KIF26B: variants seen among roughly 807,000 people sequenced by gnomAD.
The protein encoded by KIF26B is kinesin family member 26B.
KIF26B carries 63 observed loss-of-function variants against 151.2 expected under a neutral mutation model. That is an observed-to-expected ratio of 0.42 (90% confidence interval 0.34 to 0.51). The LOEUF is 0.51. KIF26B is among the 20% of genes least tolerant of loss of function. KIF26B has a pLI of 0.07. For missense variants in KIF26B, 2,813 were observed against 2,913.6 expected (o/e 0.97, Z 0.79); for synonymous variants, 1,357 against 1,262.1 (o/e 1.08, Z -1.59).
At position 245,702,332 on chromosome 1, in the gene KIF26B, A is replaced by AG; in HGVS notation, c.6179-124dup. On this transcript the variant is annotated intron_variant, in intron 14 of 14. Coordinates refer to ENST00000407071, the MANE Select transcript of KIF26B (RefSeq NM_018012.4). The surrounding 1 kb of genome is among the most constrained non-coding windows in gnomAD (Gnocchi z 4.1). Reference sequence around the variant, plus strand: ...CAGGAGGGAACTCTGCAGTGGCCTAAGGCAAGCGAACTAGACCTTTAGACC... The same window carrying AG: ...CAGGAGGGAACTCTGCAGTGGCCTAAGGGCAAGCGAACTAGACCTTTAGACC... 1.0e-6 allele frequency: 1 copy of AG among 989,728 alleles called. No individual in the cohort carries two copies. The highest frequency in any genetic ancestry group is 1.6e-5 in the South Asian group (1 of 63,886). 61.3% of individuals were successfully genotyped at this position (989,728 alleles called of 1,614,324 possible).
intron 4 of KIF26B, among the ~76,000 whole-genome samples, chr1:245,481,650 C>T (rs180798736): frequency 2.6e-5 from 4 of 151,974 alleles, no homozygotes; most frequent in South Asian, 2.1e-4. Flanking sequence ...CCTGTCAACT[C>T]GCCATAAAGA....
rs112979618 is a variant in KIF26B at position 245,193,909 on chromosome 1, C to T, written c.465+37226C>T. ...AAGATTCAGAGCAGAGACAGGGCTGCGTCCATTGATCGTGTTAGGACCTGG... is the reference window on the plus strand; with the variant it reads ...AAGATTCAGAGCAGAGACAGGGCTGTGTCCATTGATCGTGTTAGGACCTGG... On this transcript the variant is annotated intron_variant, in intron 2 of 14. Coordinates refer to ENST00000407071, the MANE Select transcript of KIF26B (RefSeq NM_018012.4). Among the ~76,000 whole-genome samples the T allele has an allele frequency of 2.2e-3, 332 of 152,318 alleles. 1 individual carries two copies. The highest frequency in any genetic ancestry group is 7.6e-3 in the African/African-American group (317 of 41,572).
chr1:245,416,261 C>T (rs1263349051), intron 3 of KIF26B, among the ~76,000 whole-genome samples: 1 of 93,140 alleles, frequency 1.1e-5, no homozygotes, highest in Non-Finnish European at 2.0e-5. Context: ...GCCTGGGCAA[C>T]AAGAGCGAAA....
chr1:245,161,232 G>A (rs1259198999), intron 2 of KIF26B, among the ~76,000 whole-genome samples: 1 of 152,200 alleles, frequency 6.6e-6, no homozygotes, highest in Non-Finnish European at 1.5e-5. Context: ...ACATTCCCAG[G>A]AGAGACATGT....
At chr1:245,479,158 G>A (rs959628422) in intron 4 of KIF26B, among the ~76,000 whole-genome samples, 2 of 151,724 alleles carry the variant, frequency 1.3e-5, no homozygotes, top group African/African-American at 2.4e-5. Context: ...GGGAATCATT[G>A]GCATCTAGAT....
intron 3 of KIF26B, among the ~76,000 whole-genome samples, chr1:245,388,236 G>A (rs545116300): frequency 5.3e-5 from 8 of 152,136 alleles, no homozygotes; most frequent in African/African-American, 1.2e-4. Flanking sequence ...TTTAAAAAAC[G>A]TTCTAAGGAG....
intron 4 of KIF26B, among the ~76,000 whole-genome samples, chr1:245,514,213 C>G (rs1315470528): frequency 1.3e-5 from 2 of 152,258 alleles, no homozygotes; most frequent in Middle Eastern, 6.8e-3. Flanking sequence ...ATATATACAA[C>G]TTCCACTTGT....
intron 3 of KIF26B, among the ~76,000 whole-genome samples, chr1:245,387,163 TTTTTGTTTTTTG>T (rs1673568934): frequency 3.2e-5 from 3 of 94,316 alleles, no homozygotes; most frequent in African/African-American, 1.4e-4. Context: ...TGTTTTTTGT[TTTTTGTTTTTTG>T]TTTTTTGAGA....
intron 9 of KIF26B, among the ~76,000 whole-genome samples, chr1:245,620,120 T>C (rs182407345): frequency 1.8e-4 from 28 of 152,180 alleles, no homozygotes; most frequent in Non-Finnish European, 1.5e-5. Context: ...GATGTATTCA[T>C]AAAGGTGTTA....
intron 2 of KIF26B, among the ~76,000 whole-genome samples, chr1:245,307,546 CAG>C (rs1360132627): frequency 6.6e-6 from 1 of 152,166 alleles, no homozygotes; most frequent in Non-Finnish European, 1.5e-5. Flanking sequence ...TTCAGATACA[CAG>C]AGAGTGATAT....
intron 2 of KIF26B, among the ~76,000 whole-genome samples, chr1:245,181,153 T>C (rs1459013960): frequency 6.6e-6 from 1 of 152,168 alleles, no homozygotes; most frequent in Admixed American, 6.5e-5. Flanking sequence ...GCCCTTTTTT[T>C]TCCCTTGAAA....
In KIF26B at chr1:245,155,333, C is replaced by A; in HGVS notation, c.-92C>A. The A allele has an allele frequency of 2.8e-6, 3 of 1,065,286 alleles. No individual in the cohort carries two copies. Among genetic ancestry groups the A allele is most frequent in the African/African-American group, 1.6e-5 (1 of 62,940 alleles). 66.0% of individuals were successfully genotyped at this position (1,065,286 alleles called of 1,614,324 possible). ...CCTTGCCCTGAGGGCTGAGAGCCAG[C>A]CCCCTGCAGCCGGGGGACGCTTCTG... On this transcript the variant is annotated 5_prime_UTR_variant, in exon 1 of 15. Coordinates refer to ENST00000407071, the MANE Select transcript of KIF26B (RefSeq NM_018012.4).
At chr1:245,436,817 AT>A (rs1242033050) in intron 4 of KIF26B, among the ~76,000 whole-genome samples, 6 of 151,982 alleles carry the variant, frequency 3.9e-5, no homozygotes, top group African/African-American at 1.4e-4. Context: ...ATTTAGTGCA[AT>A]TTATCAAGTG....
chr1:245,686,179 C>A lies in KIF26B; in HGVS notation c.3196C>A (p.Pro1066Thr). The change falls in exon 12 of 15, where the codon CCC becomes ACC. Residue 1066 changes from proline (P) to threonine (T), a missense_variant. Pro to Thr is a conservative substitution (Grantham distance 38). Around this residue, in one of 3 missense-constraint regions of KIF26B, gnomAD observed 2,060 missense variants for 2,088.6 expected, o/e 0.99. Coordinates refer to ENST00000407071, the MANE Select transcript of KIF26B (RefSeq NM_018012.4). This position sits in a 1 kb window ranked among gnomAD's most constrained non-coding sequence, Gnocchi z 5.6. The part of the protein sequence containing the change: ...VEGKPRPMGS[P>T]RLGIASLSKT... ...AGGCAAGCCCAGGCCCATGGGCTCC[C>A]CCCGGCTGGGCATCGCCAGCCTGTC... is the stretch of plus-strand genomic sequence containing the variant. 1 of 1,612,396 alleles carries A rather than the reference C, an allele frequency of 6.2e-7. No homozygotes were observed. Among genetic ancestry groups the A allele is most frequent in the Non-Finnish European group, 8.5e-7 (1 of 1,179,680 alleles).
chr1:245,617,955 T>C lies in KIF26B; in HGVS notation c.2098+5979T>C, dbSNP rs868411898. 7.2e-5 allele frequency among the ~76,000 whole-genome samples: 11 copies of C among 152,288 alleles called. No homozygotes were observed. The Middle Eastern group carries it at 0.014, about 188-fold the overall frequency. On this transcript the variant is annotated intron_variant, in intron 9 of 14. Coordinates refer to ENST00000407071, the MANE Select transcript of KIF26B (RefSeq NM_018012.4). ...TCCCGTCTCCTGGCATTCTTCCTCC[T>C]GCCCCTTCTGCCTCTTCTGGGACCT...
At chr1:245,201,631 A>G (rs771188515) in intron 2 of KIF26B, among the ~76,000 whole-genome samples, 16 of 152,362 alleles carry the variant, frequency 1.1e-4, no homozygotes, top group South Asian at 2.1e-4. Flanking sequence ...CTGCTTTCAC[A>G]TAAAACCAGC....
At chr1:245,267,344 C>T (rs1670764676) in intron 2 of KIF26B, among the ~76,000 whole-genome samples, 1 of 152,124 alleles carries the variant, frequency 6.6e-6, no homozygotes, top group Non-Finnish European at 1.5e-5. Context: ...TATTACTGGG[C>T]ATCTTAATTG....
chr1:245,464,388 TGTGTGTGG>T (rs749367791), intron 4 of KIF26B, among the ~76,000 whole-genome samples: 49 of 148,780 alleles, frequency 3.3e-4, no homozygotes, highest in Non-Finnish European at 5.6e-4. Flanking sequence ...TGTAGGTGTG[TGTGTGTGG>T]GTGTGTGCGT....
At chr1:245,612,054 TTGTGTGTGTGTGTGTGTG>T (rs5782359) in intron 9 of KIF26B, 78 bp downstream of exon 9, 97 of 677,694 alleles carry the variant, frequency 1.4e-4, no homozygotes, top group Middle Eastern at 6.8e-4. Context: ...ACCATGACCT[TTGTGTGTGTGTGTGTGTG>T]TGTGTGTGTG....
Sources: gnomAD v4.1 joint callset for allele counts (sites outside exome capture counted in the v4.1 genomes callset) on GRCh38, gnomAD v4.1.1 for gene constraint, gnomAD v4.1.1 regional missense constraint, Gnocchi (gnomAD v3.1) non-coding constraint, MANE v1.5 for transcripts, NCBI Gene and HGNC (gene_info 2026-07-23, HGNC 2026-07-21) for gene names.